The following FAM13A variants were observed in gnomAD, a reference collection of about 807,000 sequenced individuals.
FAM13A encodes protein FAM13A.
In FAM13A, 76 loss-of-function variants were observed where a neutral mutation model predicts 129.6. That is an observed-to-expected ratio of 0.59 (90% CI 0.49 to 0.71). The LOEUF (loss-of-function observed/expected upper bound fraction) is 0.71. Among genes scored for constraint, FAM13A ranks in the 30% least tolerant of loss-of-function variants. The pLI is 0.00. For missense variants in FAM13A, 1,108 were observed against 1,249.3 expected (o/e 0.89, Z 1.70); for synonymous variants, 443 against 449.9 (o/e 0.98, Z 0.20).
At chr4:88,793,870 C>T (rs1454638866) in intron 8 of FAM13A, among the ~76,000 whole-genome samples, 3 of 151,910 alleles carry the variant, frequency 2.0e-5, no homozygotes, top group Non-Finnish European at 4.4e-5. Flanking sequence ...AGGCATCCAC[C>T]GCCATAGTTC....
At chr4:88,976,678 G>A (rs1458670730) in intron 4 of FAM13A, among the ~76,000 whole-genome samples, 2 of 15,158 alleles carry the variant, frequency 1.3e-4, no homozygotes, top group Admixed American at 5.4e-4. Context: ...GTACAGTAGT[G>A]TACAGGAATG....
chr4:88,758,790 C>A lies in FAM13A; in HGVS notation c.1690G>T (p.Asp564Tyr). 2.5e-6 allele frequency: 4 copies of A among 1,614,020 alleles called. No homozygotes were observed. The highest frequency in any genetic ancestry group is 4.5e-5 in the East Asian group (2 of 44,882). Residue 564 changes from aspartate (D) to tyrosine (Y), a missense_variant, in exon 14 of 24, where the codon GAC (aspartate) becomes TAC (tyrosine). Asp to Tyr is a radical substitution (Grantham distance 160). Around this residue, in one of 3 missense-constraint regions of FAM13A, gnomAD observed 529 missense variants for 621.2 expected, o/e 0.85. Transcript: ENST00000264344. Reference protein sequence around the residue: ...ESFVSEVPQSDLTALCDEKNW... With the variant: ...ESFVSEVPQSYLTALCDEKNW... ...TTTTCATCACACAATGCAGTCAGGT[C>A]CGACTGGGGCACTTCGGAGACAAAG...
intron 7 of FAM13A, among the ~76,000 whole-genome samples, chr4:88,848,612 G>A (rs17815864): frequency 0.019 from 2,867 of 152,232 alleles, 29 homozygotes; most frequent in Admixed American, 0.031. Context: ...TCTTACTTGC[G>A]CTGAATTGCT....
At chr4:88,839,588 A>G (rs1394859614) in intron 7 of FAM13A, among the ~76,000 whole-genome samples, 1 of 152,184 alleles carries the variant, frequency 6.6e-6, no homozygotes, top group Non-Finnish European at 1.5e-5. Flanking sequence ...GCAGGGGCAT[A>G]TAAGATGTGC....
intron 4 of FAM13A, among the ~76,000 whole-genome samples, chr4:88,942,365 G>A (rs1269434776): frequency 6.6e-6 from 1 of 151,892 alleles, no homozygotes; most frequent in African/African-American, 2.4e-5. Context: ...TTAGGAGTTC[G>A]AGACCAGATT....
intron 7 of FAM13A, among the ~76,000 whole-genome samples, chr4:88,825,889 A>G (rs1732907553): frequency 6.6e-6 from 1 of 152,142 alleles, no homozygotes; most frequent in Non-Finnish European, 1.5e-5. Context: ...AGTCTCCATC[A>G]TTTATAACAA....
rs1413348311 is a variant in FAM13A, at chr4:88,973,669, CTA to C, written c.605+17302_605+17303del. 2.0e-5 allele frequency among the ~76,000 whole-genome samples: 3 copies of C among 152,198 alleles called. No individual in the cohort carries two copies. In the South Asian group the frequency reaches 6.2e-4, roughly 32 times the overall value. ...TTGATGCTTGCTCTGCCACTTTAAC[CTA>C]TGTTTTTGTTTCTTTTAGTCTGCTT... is the stretch of plus-strand genomic sequence containing the variant. On this transcript the variant is annotated intron_variant, in intron 4 of 23. Transcript: ENST00000264344.
chr4:88,795,271 C>T (rs1725928114), intron 8 of FAM13A, among the ~76,000 whole-genome samples: 1 of 151,762 alleles, frequency 6.6e-6, no homozygotes, highest in South Asian at 2.1e-4. Flanking sequence ...CTCATACCTT[C>T]TCTAATTCAT....
At chr4:88,975,962 A>G (rs923459154) in intron 4 of FAM13A, among the ~76,000 whole-genome samples, 1 of 152,162 alleles carries the variant, frequency 6.6e-6, no homozygotes, top group Admixed American at 6.5e-5. Context: ...TTTGTGGCCA[A>G]TCATTGACAC....
At chr4:88,908,150 G>A (rs1748466255) in intron 5 of FAM13A, among the ~76,000 whole-genome samples, 1 of 152,180 alleles carries the variant, frequency 6.6e-6, no homozygotes, top group Non-Finnish European at 1.5e-5. Context: ...CTAAATAAGT[G>A]TGCATTCCAG....
chr4:89,011,641 G>T (rs1765748100), intron 3 of FAM13A, among the ~76,000 whole-genome samples: 1 of 152,020 alleles, frequency 6.6e-6, no homozygotes, highest in African/African-American at 2.4e-5. Flanking sequence ...TTTTTCAATG[G>T]TATCTTTTGC....
chr4:88,791,360 CAA>C (rs1371758741), intron 8 of FAM13A, among the ~76,000 whole-genome samples: 3 of 152,062 alleles, frequency 2.0e-5, no homozygotes, highest in Non-Finnish European at 4.4e-5. Context: ...GATAAAATTA[CAA>C]AACACTATCA....
At chr4:88,781,905 G>T (rs62308738) in intron 10 of FAM13A, among the ~76,000 whole-genome samples, 1 of 150,186 alleles carries the variant, frequency 6.7e-6, no homozygotes. Context: ...ACGAGTTAAT[G>T]GGTGCAGCAC....
chr4:89,031,909 C>G (rs1485981667), intron 1 of FAM13A, among the ~76,000 whole-genome samples: 1 of 151,976 alleles, frequency 6.6e-6, no homozygotes, highest in African/African-American at 2.4e-5. Context: ...GAAATTCTGT[C>G]TATATTTGAG....
chr4:88,939,433 CT>C (rs1754381488), intron 4 of FAM13A, among the ~76,000 whole-genome samples: 1 of 152,294 alleles, frequency 6.6e-6, no homozygotes, highest in Non-Finnish European at 1.5e-5. Context: ...GTCCACTCCC[CT>C]ATCCCTCAAA....
intron 4 of FAM13A, among the ~76,000 whole-genome samples, chr4:88,956,339 G>A (rs1283059749): frequency 6.6e-6 from 1 of 152,192 alleles, no homozygotes; most frequent in Non-Finnish European, 1.5e-5. Context: ...ACAGTAACAT[G>A]CTGCACATGT....
At chr4:89,017,389 A>C (rs1766638617) in intron 3 of FAM13A, among the ~76,000 whole-genome samples, 2 of 152,186 alleles carry the variant, frequency 1.3e-5, no homozygotes, top group South Asian at 4.1e-4. Context: ...GACACCTATC[A>C]ACTTTCTGAT....
chr4:88,791,290 AT>A (rs1301644017), intron 8 of FAM13A, among the ~76,000 whole-genome samples: 1 of 152,084 alleles, frequency 6.6e-6, no homozygotes, highest in Non-Finnish European at 1.5e-5. Context: ...TGATTTTCCC[AT>A]TTTTTTAAAG....
rs76908643 is a variant in FAM13A, at chr4:88,992,531, G to A, written c.428-1381C>T. Among the ~76,000 whole-genome samples, 809 of 152,030 alleles carry A rather than the reference G, an allele frequency of 5.3e-3. 9 individuals carry two copies. The highest frequency in any genetic ancestry group is 0.018 in the African/African-American group (747 of 41,494). On this transcript the variant is annotated intron_variant, in intron 3 of 23. Coordinates refer to ENST00000264344, the MANE Select transcript of FAM13A (RefSeq NM_014883.4). ...ATTACAGGCGTGACCCACCACACCC[G>A]GCCAGAATAACTTTTTCTTTAACAA...
Sources: gnomAD v4.1 joint callset for allele counts (sites outside exome capture counted in the v4.1 genomes callset) on GRCh38, gnomAD v4.1.1 for gene constraint, gnomAD v4.1.1 regional missense constraint, MANE v1.5 for transcripts, NCBI Gene and HGNC (gene_info 2026-07-23, HGNC 2026-07-21) for gene names.